Variants in HTRA3 observed in about 807,000 individuals in gnomAD.
HTRA3 encodes the protein HtrA serine peptidase 3, also known as serine protease HTRA3.
Under a neutral mutation model 43.2 loss-of-function variants are expected in HTRA3, and 41 were observed. The ratio of observed to expected loss-of-function variants is 0.95; its 90% CI spans 0.74 to 1.23. The LOEUF is 1.23. Ranked by LOEUF, HTRA3 falls within the 50% of genes most tolerant of loss-of-function variation. The probability of loss-of-function intolerance (pLI) is 0.00; values close to 1 mark genes in which losing one functional copy is unlikely to be tolerated. For synonymous variants in HTRA3, 295 were observed against 287.9 expected (o/e 1.02, Z -0.25); for missense variants, 628 against 647.1 (o/e 0.97, Z 0.32).
At position 8,275,751 on chromosome 4, in the gene HTRA3, C is replaced by T. The variant is rs1221206384; in HGVS notation, c.385+5398C>T. ...GACACTGGGCACTGTTCCAGGCCCA[C>T]AAAGCCTTCAACACATCATTGGGGT... On this transcript the variant is annotated intron_variant, in intron 1 of 8. Transcript: ENST00000307358. Among the ~76,000 whole-genome samples the T allele has an allele frequency of 2.6e-5, 4 of 152,206 alleles. No individual in the cohort carries two copies. In the East Asian group the frequency reaches 7.7e-4, roughly 29 times the overall value.
Position 8,270,131 on chromosome 4 carries a change from G to T in HTRA3, c.163G>T (p.Ala55Ser). 1 of 1,543,530 alleles carries T rather than the reference G, an allele frequency of 6.5e-7. No homozygotes were observed. The highest frequency in any genetic ancestry group is 8.6e-7 in the Non-Finnish European group (1 of 1,156,922). ...CCTCTGCAACTGCTGCCTGGTGTGCGCCGCCAGCGAGGGCGAGCCCTGTGG... is the reference window on the plus strand; with the variant it reads ...CCTCTGCAACTGCTGCCTGGTGTGCTCCGCCAGCGAGGGCGAGCCCTGTGG... ...PDLCNCCLVC[A>S]ASEGEPCGGP... The change falls in exon 1 of 9, where the codon GCC becomes TCC. Residue 55 changes from alanine (A) to serine (S), a missense_variant. Coordinates refer to ENST00000307358, the MANE Select transcript of HTRA3 (RefSeq NM_053044.5).
chr4:8,294,251 G>A (rs1713358997), intron 6 of HTRA3, 50 bp downstream of exon 6: 1 of 1,367,460 alleles, frequency 7.3e-7, no homozygotes, highest in Non-Finnish European at 1.0e-6. Flanking sequence ...CTCTCCCAGG[G>A]CTACAGCCCC....
chr4:8,272,931 C>T (rs547698418), intron 1 of HTRA3, among the ~76,000 whole-genome samples: 6 of 152,324 alleles, frequency 3.9e-5, no homozygotes, highest in Middle Eastern at 3.4e-3. Context: ...GCCCGGTGCA[C>T]GGGGACCTTG....
In HTRA3 at chr4:8,286,715, T is replaced by G. The variant is rs770249069; in HGVS notation, c.640T>G (p.Ser214Ala). 52 of 1,614,146 alleles carry G rather than the reference T, an allele frequency of 3.2e-5. No individual in the cohort carries two copies. In the African/African-American group the frequency reaches 6.7e-4, roughly 21 times the overall value. The stretch of plus-strand genomic sequence containing the variant: ...CAAGGTGCAGCTACAGAATGGGGAC[T>G]CCTATGAGGCCACCATCAAAGACAT... ...QLKVQLQNGDSYEATIKDIDK... is the reference protein window; with the variant it reads ...QLKVQLQNGDAYEATIKDIDK... Residue 214 changes from serine (S) to alanine (A), a missense_variant, in exon 3 of 9, where the codon TCC becomes GCC. Ser to Ala is a moderately conservative substitution (Grantham distance 99). Transcript: ENST00000307358. The surrounding 1 kb of genome is among the most constrained non-coding windows in gnomAD (Gnocchi z 4.9).
At chr4:8,302,563 C>A in intron 7 of HTRA3, 52 bp downstream of exon 7, 1 of 1,556,552 alleles carries the variant, frequency 6.4e-7, no homozygotes, top group Non-Finnish European at 8.9e-7. Context: ...TCATCCCTCA[C>A]CCTGACCCTC....
intron 2 of HTRA3, among the ~76,000 whole-genome samples, 196 bp downstream of exon 2, chr4:8,282,732 C>T (rs969257123): frequency 3.3e-5 from 5 of 152,322 alleles, no homozygotes; most frequent in East Asian, 1.9e-4. Context: ...GAAGTGACTC[C>T]GCACCTGCTG....
chr4:8,293,762 C>T (rs1005597701), intron 5 of HTRA3, among the ~76,000 whole-genome samples: 2 of 152,176 alleles, frequency 1.3e-5, no homozygotes, highest in African/African-American at 2.4e-5. Context: ...CTCTCGGTCC[C>T]TCCAAACATG....
Position 8,291,327 on chromosome 4 carries a change from C to T in HTRA3, c.709-43C>T, listed in dbSNP as rs368725219. ...GACTCCGGTCCCCGCTGAAGGTAGA[C>T]GGCTAAGCCTCCCTCTCTGTGTCTT... On this transcript the variant is annotated intron_variant, in intron 3 of 8. Coordinates refer to ENST00000307358, the MANE Select transcript of HTRA3 (RefSeq NM_053044.5). The T allele has an allele frequency of 1.2e-4, 182 of 1,554,306 alleles. No individual in the cohort carries two copies. In the African/African-American group the frequency reaches 1.4e-3, roughly 12 times the overall value.
intron 1 of HTRA3, among the ~76,000 whole-genome samples, chr4:8,274,317 C>T (rs1578786589): frequency 1.3e-5 from 2 of 152,222 alleles, no homozygotes; most frequent in Admixed American, 1.3e-4. Flanking sequence ...CCCACCGCCC[C>T]TGAGCCACCT....
In HTRA3 at chr4:8,277,049, C is replaced by T. The variant is rs189714604; in HGVS notation, c.386-5388C>T. Among the ~76,000 whole-genome samples the T allele has an allele frequency of 4.7e-4, 71 of 152,376 alleles. 1 individual carries two copies. Among genetic ancestry groups the T allele is most frequent in the Admixed American group, 4.5e-3 (69 of 15,310 alleles). Reference sequence around the variant, plus strand: ...CCGTGGAGGGGGAGGCAGCGGGTTCCTCTGGGCCTGGGCTGCAGCCCTCAT... The same window carrying T: ...CCGTGGAGGGGGAGGCAGCGGGTTCTTCTGGGCCTGGGCTGCAGCCCTCAT... On this transcript the variant is annotated intron_variant, in intron 1 of 8. Coordinates refer to ENST00000307358, the MANE Select transcript of HTRA3 (RefSeq NM_053044.5).
chr4:8,303,809 G>A lies in HTRA3; in HGVS notation c.1101-375G>A, dbSNP rs372577390. On this transcript the variant is annotated intron_variant, in intron 7 of 8. Transcript: ENST00000307358. ...TGACTCAGCATTGTCTGTACGTTCC[G>A]TGACTCAGCATTGTCTGTCCATTCC... 1.4e-3 allele frequency among the ~76,000 whole-genome samples: 204 copies of A among 143,890 alleles called. 1 individual carries two copies. Among genetic ancestry groups the A allele is most frequent in the African/African-American group, 4.9e-3 (196 of 40,284 alleles). 94.4% of individuals were successfully genotyped at this position (143,890 alleles called of 152,430 possible).
intron 1 of HTRA3, among the ~76,000 whole-genome samples, chr4:8,275,144 A>C (rs1286385728): frequency 1.3e-5 from 2 of 152,232 alleles, no homozygotes; most frequent in Admixed American, 6.5e-5. Context: ...CAAGGCTGCC[A>C]GGAGCCAGGA....
intron 6 of HTRA3, among the ~76,000 whole-genome samples, chr4:8,301,236 TATTG>T (rs1376346221): frequency 5.3e-5 from 4 of 75,922 alleles, no homozygotes; most frequent in African/African-American, 2.4e-4. Context: ...ACATCTTTAT[TATTG>T]ATTCACACTC....
chr4:8,275,585 G>T (rs1351103433), intron 1 of HTRA3, among the ~76,000 whole-genome samples: 1 of 152,230 alleles, frequency 6.6e-6, no homozygotes, highest in Non-Finnish European at 1.5e-5. Flanking sequence ...GCGTCTAGTT[G>T]TGGAGAGGTG....
rs58912103 is a variant in HTRA3 at position 8,296,563 on chromosome 4, G to A, written c.1051+2362G>A. 6.9e-3 allele frequency: 6,783 copies of A among 981,022 alleles called. 370 individuals carry two copies. The African/African-American group carries it at 0.11, about 16-fold the overall frequency. 60.8% of individuals were successfully genotyped at this position (981,022 alleles called of 1,614,324 possible). ...GCATTTATTATTCTCGTCTGGAGGT[G>A]GGGTGCAGAGGCCTCTGAGGGGCTT... On this transcript the variant is annotated intron_variant, in intron 6 of 8. Transcript: ENST00000307358. The surrounding 1 kb of genome is among the most constrained non-coding windows in gnomAD (Gnocchi z 5.3).
intron 3 of HTRA3, among the ~76,000 whole-genome samples, chr4:8,290,141 T>G (rs1713174563): frequency 6.6e-6 from 1 of 152,266 alleles, no homozygotes; most frequent in African/African-American, 2.4e-5. Flanking sequence ...GCATTCTCTC[T>G]GCCATTGACT....
In HTRA3 at chr4:8,306,568, C is replaced by A; in HGVS notation, c.*432C>A. On this transcript the variant is annotated 3_prime_UTR_variant, in exon 9 of 9. Transcript: ENST00000307358. This position sits in a 1 kb window ranked among gnomAD's most constrained non-coding sequence, Gnocchi z 8.9. ...ACGCCCACCTGACCTGAGGCCCCAG[C>A]TTCCCTCTGCCCTAGGACTTACCAA... The A allele has an allele frequency of 5.8e-6, 1 of 171,096 alleles. No individual in the cohort carries two copies. The highest frequency in any genetic ancestry group is 1.3e-5 in the Non-Finnish European group (1 of 78,186). The allele number at this position is 171,096 out of a possible 1,614,324, so 10.6% of individuals were successfully genotyped here.
intron 4 of HTRA3, among the ~76,000 whole-genome samples, chr4:8,291,914 A>G (rs1322288125): frequency 6.6e-6 from 1 of 152,198 alleles, no homozygotes; most frequent in Non-Finnish European, 1.5e-5. Flanking sequence ...TTTAGCATTC[A>G]CAAAGCACTT....
Position 8,304,184 on chromosome 4 carries a change from C to T in HTRA3, c.1101C>T (p.Ser367=). The change falls in exon 8 of 9, where the codon AGC becomes AGT. Residue 367 remains serine, a splice_region_variant and synonymous_variant. Coordinates refer to ENST00000307358, the MANE Select transcript of HTRA3 (RefSeq NM_053044.5). The part of the protein sequence containing the change: ...IGIRMRTITP[S]LVDELKASNP... ...GGCCTTGACGGCAGACTCTTTCCAG[C>T]CTGGTGGATGAGCTGAAGGCCAGCA... is the stretch of plus-strand genomic sequence containing the variant. 1 of 1,613,704 alleles carries T rather than the reference C, an allele frequency of 6.2e-7. No homozygotes were observed. The highest frequency in any genetic ancestry group is 1.1e-5 in the South Asian group (1 of 91,050).
Sources: gnomAD v4.1 joint callset for allele counts (sites outside exome capture counted in the v4.1 genomes callset) on GRCh38, gnomAD v4.1.1 for gene constraint, Gnocchi (gnomAD v3.1) non-coding constraint, MANE v1.5 for transcripts, NCBI Gene and HGNC (gene_info 2026-07-23, HGNC 2026-07-21) for gene names.